ME1: variants seen among roughly 807,000 people sequenced by gnomAD.
ME1 encodes the protein malic enzyme 1.
In ME1, 74 loss-of-function variants were observed where a neutral mutation model predicts 66.4. The ratio of observed to expected loss-of-function variants is 1.11; its 90% CI spans 0.92 to 1.35. ME1 has a LOEUF of 1.35. ME1 is among the 40% of genes most tolerant of loss of function. The probability of loss-of-function intolerance (pLI) is 0.00; values close to 1 mark genes in which losing one functional copy is unlikely to be tolerated. For synonymous variants in ME1, 251 were observed against 235.6 expected, an observed-to-expected ratio of 1.07 and a Z score of -0.60; for missense variants, 750 against 694.1, an observed-to-expected ratio of 1.08 and a Z score of -0.90.
At chr6:83,327,638 C>T (rs1038597090) in intron 5 of ME1, among the ~76,000 whole-genome samples, 1 of 152,088 alleles carries the variant, frequency 6.6e-6, no homozygotes, top group African/African-American at 2.4e-5. Context: ...CAATGGTGCC[C>T]GAAACTTCAT....
At chr6:83,269,983 T>C (rs969167946) in intron 6 of ME1, among the ~76,000 whole-genome samples, 2 of 152,288 alleles carry the variant, frequency 1.3e-5, no homozygotes, top group South Asian at 4.1e-4. Flanking sequence ...TAAAACTTCT[T>C]GTGAAATATA....
chr6:83,385,568 C>T (rs987465122), intron 3 of ME1, among the ~76,000 whole-genome samples: 1 of 151,892 alleles, frequency 6.6e-6, no homozygotes, highest in African/African-American at 2.4e-5. Context: ...TTTTTAATGG[C>T]ATTTTACAGT....
At chr6:83,312,308 C>T (rs920485344) in intron 6 of ME1, among the ~76,000 whole-genome samples, 1 of 152,132 alleles carries the variant, frequency 6.6e-6, no homozygotes, top group Admixed American at 6.5e-5. Flanking sequence ...AAATGGAGCC[C>T]CAGCCAAGTT....
At chr6:83,297,708 G>A (rs926782881) in intron 6 of ME1, among the ~76,000 whole-genome samples, 7 of 152,014 alleles carry the variant, frequency 4.6e-5, no homozygotes, top group South Asian at 4.2e-4. Flanking sequence ...ATTAAGCCCC[G>A]CATGCATTAG....
intron 5 of ME1, among the ~76,000 whole-genome samples, chr6:83,322,230 A>C (rs536030114): frequency 6.6e-6 from 1 of 152,238 alleles, no homozygotes; most frequent in South Asian, 2.1e-4. Context: ...AATTCCAAAA[A>C]CCAGAATAAC....
In ME1 at chr6:83,358,385, G is replaced by C. The variant is rs557670455; in HGVS notation, c.363-6246C>G. Among the ~76,000 whole-genome samples the C allele has an allele frequency of 2.6e-5, 4 of 152,108 alleles. No individual in the cohort carries two copies. The South Asian group carries it at 8.3e-4, about 32-fold the overall frequency. On this transcript the variant is annotated intron_variant, in intron 3 of 13. Coordinates refer to ENST00000369705, the MANE Select transcript of ME1 (RefSeq NM_002395.6). Reference sequence around the variant, plus strand: ...TCCTAAGTTCAGTGGACAAAGTTATGAAAGAAAATGATGAACTCAGAGATT... The same window carrying C: ...TCCTAAGTTCAGTGGACAAAGTTATCAAAGAAAATGATGAACTCAGAGATT...
intron 7 of ME1, among the ~76,000 whole-genome samples, chr6:83,243,785 AT>A (rs1396802587): frequency 7.5e-6 from 1 of 133,576 alleles, no homozygotes; most frequent in African/African-American, 2.8e-5. Flanking sequence ...TTTATATATA[AT>A]TATCTTATAT....
chr6:83,345,603 T>C (rs1467222805), intron 5 of ME1, among the ~76,000 whole-genome samples: 1 of 152,164 alleles, frequency 6.6e-6, no homozygotes. Flanking sequence ...CTTAACTGAC[T>C]ATTATCTTTC....
chr6:83,216,464 A>G (rs1190468444), intron 13 of ME1, 34 bp downstream of exon 13: 3 of 1,413,056 alleles, frequency 2.1e-6, no homozygotes, highest in Middle Eastern at 3.6e-4. Flanking sequence ...AAAAGGAAGG[A>G]AAAATAATGA....
intron 5 of ME1, among the ~76,000 whole-genome samples, chr6:83,344,183 G>A (rs1768642880): frequency 6.6e-6 from 1 of 151,456 alleles, no homozygotes; most frequent in African/African-American, 2.4e-5. Flanking sequence ...CTACTCGAAA[G>A]GCTGAGGCAG....
chr6:83,347,997 C>T (rs1049172870), intron 4 of ME1, among the ~76,000 whole-genome samples: 1 of 152,116 alleles, frequency 6.6e-6, no homozygotes, highest in African/African-American at 2.4e-5. Flanking sequence ...AAATATACTT[C>T]TAAGATATTT....
chr6:83,333,586 T>C (rs1768458742), intron 5 of ME1, among the ~76,000 whole-genome samples: 1 of 152,236 alleles, frequency 6.6e-6, no homozygotes, highest in African/African-American at 2.4e-5. Flanking sequence ...TTTTACAGGT[T>C]ACAATATTAC....
chr6:83,385,235 A>C (rs1184442729), intron 3 of ME1, among the ~76,000 whole-genome samples: 1 of 151,974 alleles, frequency 6.6e-6, no homozygotes, highest in East Asian at 1.9e-4. Flanking sequence ...AAGTGATATA[A>C]GAACTATGCC....
chr6:83,258,002 C>T (rs1329019974), intron 6 of ME1, among the ~76,000 whole-genome samples: 2 of 152,104 alleles, frequency 1.3e-5, no homozygotes, highest in East Asian at 1.9e-4. Context: ...ATTCTATTCC[C>T]GGATCTACTA....
chr6:83,345,285 G>A (rs903055638), intron 5 of ME1, among the ~76,000 whole-genome samples: 1 of 152,204 alleles, frequency 6.6e-6, no homozygotes. Flanking sequence ...GATAAGCAAT[G>A]TATTTTTATT....
chr6:83,393,860 A>G (rs1264193075), intron 3 of ME1, among the ~76,000 whole-genome samples: 2 of 152,098 alleles, frequency 1.3e-5, no homozygotes, highest in East Asian at 3.8e-4. Flanking sequence ...AAGGCAAGAA[A>G]TAGTTCATAC....
intron 6 of ME1, among the ~76,000 whole-genome samples, chr6:83,294,340 T>C (rs1195271883): frequency 2.0e-5 from 3 of 152,190 alleles, no homozygotes; most frequent in African/African-American, 7.2e-5. Flanking sequence ...ATACACCATC[T>C]CTGACATTCC....
At chr6:83,322,831 A>T (rs1321353999) in intron 5 of ME1, among the ~76,000 whole-genome samples, 5 of 152,202 alleles carry the variant, frequency 3.3e-5, no homozygotes, top group African/African-American at 1.2e-4. Context: ...CCTCGACAAA[A>T]GCAACCCCAA....
intron 1 of ME1, among the ~76,000 whole-genome samples, chr6:83,429,156 G>A (rs998417684): frequency 1.3e-5 from 2 of 152,212 alleles, no homozygotes; most frequent in Non-Finnish European, 2.9e-5. Flanking sequence ...TCAGCTACTC[G>A]GGAGGCTGAG....
Sources: allele counts gnomAD v4.1 joint callset (sites outside exome capture counted in the v4.1 genomes callset), GRCh38; gene constraint gnomAD v4.1.1; transcripts MANE v1.5; gene names NCBI Gene and HGNC (gene_info 2026-07-23, HGNC 2026-07-21).